The following DHX15 variants were observed in gnomAD, a reference collection of about 807,000 sequenced individuals.
The protein encoded by DHX15 is DEAH-box helicase 15, also known as ATP-dependent RNA helicase DHX15.
Under a neutral mutation model 94.4 loss-of-function variants are expected in DHX15, and 11 were observed. The ratio of observed to expected loss-of-function variants is 0.12; its 90% confidence interval spans 0.07 to 0.19. The LOEUF is 0.19. Ranked by LOEUF, DHX15 falls within the 10% of genes least tolerant of loss-of-function variation. The probability of loss-of-function intolerance (pLI) is 1.00; values close to 1 mark genes in which losing one functional copy is unlikely to be tolerated. For missense variants in DHX15, 304 were observed against 988.5 expected, an observed-to-expected ratio of 0.31 and a Z score of 9.29; for synonymous variants, 338 against 329.9, an observed-to-expected ratio of 1.02 and a Z score of -0.27.
chr4:24,579,169 T>C (rs6839065), intron 1 of DHX15, among the ~76,000 whole-genome samples: 9,807 of 152,232 alleles, frequency 0.064, 392 homozygotes, highest in African/African-American at 0.11. Context: ...TGCAAGACAC[T>C]GCCTCAATTT....
Position 24,537,228 on chromosome 4 carries a change from T to C in DHX15, c.1787-55A>G. On this transcript the variant is annotated intron_variant, in intron 10 of 13. Transcript: ENST00000336812. The surrounding 1 kb of genome is among the most constrained non-coding windows in gnomAD (Gnocchi z 4.7). ...AACGCCCATATCGATGAGTCACGCATTCACAGATAGAGGAACAAGGCCTAG... is the reference window on the plus strand; with the variant it reads ...AACGCCCATATCGATGAGTCACGCACTCACAGATAGAGGAACAAGGCCTAG... 1.2e-6 allele frequency: 2 copies of C among 1,607,958 alleles called. No individual in the cohort carries two copies. The highest frequency in any genetic ancestry group is 1.7e-6 in the Non-Finnish European group (2 of 1,176,592).
chr4:24,550,150 G>A (rs180863533), intron 5 of DHX15, among the ~76,000 whole-genome samples: 79 of 138,742 alleles, frequency 5.7e-4, no homozygotes, highest in Non-Finnish European at 1.1e-3. Context: ...ACTCATATAG[G>A]GCATCTGCCA....
intron 13 of DHX15, among the ~76,000 whole-genome samples, chr4:24,528,341 C>T (rs1352390460): frequency 6.6e-6 from 1 of 152,132 alleles, no homozygotes; most frequent in Non-Finnish European, 1.5e-5. Flanking sequence ...TTTACTCTGG[C>T]ACACTATTAA....
chr4:24,579,297 C>A (rs563771851), intron 1 of DHX15, among the ~76,000 whole-genome samples: 1 of 152,314 alleles, frequency 6.6e-6, no homozygotes, highest in East Asian at 1.9e-4. Flanking sequence ...ATGGCTCAAA[C>A]TACCTTCCTT....
At chr4:24,540,682 T>G (rs1721291257) in intron 9 of DHX15, among the ~76,000 whole-genome samples, 158 bp downstream of exon 9, 1 of 152,110 alleles carries the variant, frequency 6.6e-6, no homozygotes, top group Admixed American at 6.6e-5. Context: ...CTGTCACCTT[T>G]TTTAGTTTTA....
intron 2 of DHX15, among the ~76,000 whole-genome samples, chr4:24,575,418 C>A (rs1312230154): frequency 1.3e-5 from 2 of 152,160 alleles, no homozygotes; most frequent in Non-Finnish European, 2.9e-5. Context: ...ATTGATGGTT[C>A]AGGCTTAAGT....
At chr4:24,577,188 T>C (rs768494856) in intron 1 of DHX15, among the ~76,000 whole-genome samples, 21 of 152,226 alleles carry the variant, frequency 1.4e-4, no homozygotes, top group Admixed American at 2.6e-4. Flanking sequence ...CTCAATACTT[T>C]TATAATCCAC....
At chr4:24,568,098 T>C (rs1429239778) in intron 3 of DHX15, among the ~76,000 whole-genome samples, 2 of 152,220 alleles carry the variant, frequency 1.3e-5, no homozygotes, top group Admixed American at 6.5e-5. Context: ...AATTTAAAGA[T>C]ACTTTATTTA....
chr4:24,548,879 T>G lies in DHX15; in HGVS notation c.1224A>C (p.Lys408Asn). Residue 408 changes from lysine to asparagine, a missense_variant, in exon 6 of 14, where the codon AAA (lysine) becomes AAC (asparagine). Transcript: ENST00000336812. Reference sequence around the variant, plus strand: ...CCTTTCTTCCAATTGCTCCATTCTGTTTTTTGGGAGGTGGAGGCTCAAAAA... The same window carrying G: ...CCTTTCTTCCAATTGCTCCATTCTGGTTTTTGGGAGGTGGAGGCTCAAAAA... ...QRIFEPPPPK[K>N]QNGAIGRKVV... 6.2e-7 allele frequency: 1 copy of G among 1,612,722 alleles called. No individual in the cohort carries two copies. Among genetic ancestry groups the G allele is most frequent in the South Asian group, 1.1e-5 (1 of 90,852 alleles).
Position 24,549,277 on chromosome 4 carries a change from C to A in DHX15, c.1081-255G>T, listed in dbSNP as rs560085240. Among the ~76,000 whole-genome samples the A allele has an allele frequency of 6.6e-5, 10 of 152,274 alleles. 1 individual carries two copies. In the East Asian group the frequency reaches 1.9e-3, roughly 29 times the overall value. ...CATTCCACACCCCTTTTCTTAGAGT[C>A]AGATTTCCTAATTAATTCTCAACAA... On this transcript the variant is annotated intron_variant, in intron 5 of 13. Transcript: ENST00000336812.
chr4:24,542,871 C>T (rs1014149393), intron 7 of DHX15, 69 bp downstream of exon 7: 2 of 1,100,608 alleles, frequency 1.8e-6, no homozygotes, highest in South Asian at 1.4e-5. Flanking sequence ...AAATTTTAGC[C>T]ATTAAATGAA....
chr4:24,529,403 A>G (rs556115177), intron 13 of DHX15, among the ~76,000 whole-genome samples, 198 bp downstream of exon 13: 2 of 152,262 alleles, frequency 1.3e-5, no homozygotes, highest in East Asian at 1.9e-4. Context: ...CTGCCCATAA[A>G]TATCAACAAT....
chr4:24,532,767 CAA>C, intron 12 of DHX15, 95 bp downstream of exon 12: 8 of 923,270 alleles, frequency 8.7e-6, no homozygotes, highest in South Asian at 4.2e-5. Context: ...TGAGCATGCA[CAA>C]ACTCACTTTT....
intron 6 of DHX15, among the ~76,000 whole-genome samples, chr4:24,546,503 C>T (rs1174242746): frequency 6.6e-6 from 1 of 152,202 alleles, no homozygotes; most frequent in Non-Finnish European, 1.5e-5. Flanking sequence ...AACTTGAATG[C>T]ATGTAAAGAA....
At chr4:24,549,581 C>T (rs1293380020) in intron 5 of DHX15, among the ~76,000 whole-genome samples, 4 of 152,188 alleles carry the variant, frequency 2.6e-5, no homozygotes, top group Non-Finnish European at 4.4e-5. Context: ...TACAGTCACA[C>T]GTTGCTTACT....
intron 6 of DHX15, among the ~76,000 whole-genome samples, chr4:24,544,065 C>T (rs970949650): frequency 6.6e-6 from 1 of 151,900 alleles, no homozygotes; most frequent in African/African-American, 2.4e-5. Context: ...CAGTCCTTGA[C>T]GGTAAGGTTA....
At position 24,576,230 on chromosome 4, in the gene DHX15, T is replaced by C; in HGVS notation, c.507+13A>G. Reference sequence around the variant, plus strand: ...CATAAATGAAATATGTACCATGGTATACAATAACTCACCTGTGTTGTTTTA... The same window carrying C: ...CATAAATGAAATATGTACCATGGTACACAATAACTCACCTGTGTTGTTTTA... On this transcript the variant is annotated intron_variant, in intron 2 of 13. Coordinates refer to ENST00000336812, the MANE Select transcript of DHX15 (RefSeq NM_001358.3). 6.2e-7 allele frequency: 1 copy of C among 1,600,170 alleles called. No homozygotes were observed. Among genetic ancestry groups the C allele is most frequent in the Non-Finnish European group, 8.6e-7 (1 of 1,168,088 alleles).
At chr4:24,544,387 A>G (rs1348981601) in intron 6 of DHX15, among the ~76,000 whole-genome samples, 1 of 152,206 alleles carries the variant, frequency 6.6e-6, no homozygotes, top group African/African-American at 2.4e-5. Flanking sequence ...CCAAGAGGGT[A>G]TTTCAGAATA....
intron 3 of DHX15, 95 bp from the exon 4 acceptor site, chr4:24,556,505 TTAAAAA>T: frequency 9.5e-7 from 1 of 1,057,302 alleles, no homozygotes; most frequent in Non-Finnish European, 1.4e-6. Context: ...ATAAGGTAAA[TTAAAAA>T]TAAACTTCTG....
Sources: allele counts gnomAD v4.1 joint callset (sites outside exome capture counted in the v4.1 genomes callset), GRCh38; gene constraint gnomAD v4.1.1; non-coding constraint Gnocchi (gnomAD v3.1); transcripts MANE v1.5; gene names NCBI Gene and HGNC (gene_info 2026-07-23, HGNC 2026-07-21).